The following DENND1A variants were observed in gnomAD, a reference collection of about 807,000 sequenced individuals.
DENND1A encodes DENN domain-containing protein 1A.
Under a neutral mutation model 113.7 loss-of-function variants are expected in DENND1A, and 51 were observed. That is an observed-to-expected ratio of 0.45 (90% CI 0.36 to 0.57). The LOEUF (loss-of-function observed/expected upper bound fraction) is 0.57, where lower values mean the gene tolerates loss of function less well. Ranked by LOEUF, DENND1A falls within the 20% of genes least tolerant of loss-of-function variation. DENND1A has a pLI of 0.00. For missense variants in DENND1A, 1,258 were observed against 1,395.9 expected, an observed-to-expected ratio of 0.90 and a Z score of 1.57; for synonymous variants, 565 against 570.8, an observed-to-expected ratio of 0.99 and a Z score of 0.14.
chr9:123,710,797 C>G (rs754418050), intron 5 of DENND1A, among the ~76,000 whole-genome samples: 7 of 151,900 alleles, frequency 4.6e-5, no homozygotes, highest in Non-Finnish European at 1.0e-4. Context: ...CTCAGCCTCC[C>G]AAGTAGCTGG....
At chr9:123,691,800 T>C (rs2065208058) in intron 5 of DENND1A, among the ~76,000 whole-genome samples, 1 of 152,168 alleles carries the variant, frequency 6.6e-6, no homozygotes, top group Non-Finnish European at 1.5e-5. Context: ...CCAATGTGGC[T>C]GGTGAAAGTC....
intron 11 of DENND1A, among the ~76,000 whole-genome samples, chr9:123,585,770 C>G (rs1648490940): frequency 6.6e-6 from 1 of 152,094 alleles, no homozygotes; most frequent in Non-Finnish European, 1.5e-5. Context: ...AACTGAGGCT[C>G]CAAGAAGTAG....
intron 1 of DENND1A, among the ~76,000 whole-genome samples, chr9:123,895,066 T>A (rs1228310352): frequency 6.6e-6 from 1 of 152,050 alleles, no homozygotes; most frequent in Non-Finnish European, 1.5e-5. Context: ...TTCCTTTTTT[T>A]TTTTTTTAAG....
In DENND1A at chr9:123,771,994, T is replaced by C. The variant is rs576706186; in HGVS notation, c.133-2431A>G. On this transcript the variant is annotated intron_variant, in intron 3 of 23. Transcript: ENST00000394215. The stretch of plus-strand genomic sequence containing the variant: ...CAATTTAAGTCAAACAAGATGGTGG[T>C]GTGCTGTCAGAAGAAAAAACAAAAA... Among the ~76,000 whole-genome samples the C allele has an allele frequency of 2.4e-4, 36 of 152,262 alleles. No individual in the cohort carries two copies. In the South Asian group the frequency reaches 6.8e-3, roughly 29 times the overall value.
chr9:123,501,330 TC>T (rs1421785266), intron 13 of DENND1A, among the ~76,000 whole-genome samples: 1 of 152,234 alleles, frequency 6.6e-6, no homozygotes, highest in Non-Finnish European at 1.5e-5. Context: ...CATTTTGTTA[TC>T]CACTCATCTG....
intron 13 of DENND1A, among the ~76,000 whole-genome samples, chr9:123,529,857 G>A (rs1223217756): frequency 3.3e-5 from 5 of 152,204 alleles, no homozygotes; most frequent in Non-Finnish European, 7.3e-5. Flanking sequence ...ACAGAATACA[G>A]GTCAGGTGTT....
intron 11 of DENND1A, among the ~76,000 whole-genome samples, chr9:123,607,912 T>C (rs1464679345): frequency 2.0e-5 from 3 of 152,218 alleles, no homozygotes; most frequent in African/African-American, 4.8e-5. Flanking sequence ...TGGACTCCGA[T>C]AGACCAAATA....
At chr9:123,711,505 G>GTATA (rs1168546766) in intron 5 of DENND1A, among the ~76,000 whole-genome samples, 122 of 62,496 alleles carry the variant, frequency 2.0e-3, no homozygotes, top group South Asian at 4.8e-3. Flanking sequence ...ATATATATAT[G>GTATA]TATATATGTA....
At chr9:123,492,061 G>C (rs1233621847) in intron 13 of DENND1A, 2 of 152,392 alleles carry the variant, frequency 1.3e-5, no homozygotes, top group East Asian at 3.8e-4. Flanking sequence ...GCCTGAGAAG[G>C]CCTCTCAGAG....
intron 9 of DENND1A, among the ~76,000 whole-genome samples, chr9:123,648,354 G>C (rs2139300703): frequency 6.6e-6 from 1 of 152,300 alleles, no homozygotes; most frequent in Admixed American, 6.5e-5. Context: ...TGGGATTATA[G>C]GTGTAAGTCA....
At chr9:123,581,606 C>T (rs1448321632) in intron 12 of DENND1A, among the ~76,000 whole-genome samples, 1 of 151,480 alleles carries the variant, frequency 6.6e-6, no homozygotes, top group East Asian at 1.9e-4. Flanking sequence ...GCCTGGGTGA[C>T]AGAGCCAGAC....
intron 2 of DENND1A, among the ~76,000 whole-genome samples, chr9:123,869,773 G>A (rs982900296): frequency 6.6e-6 from 1 of 152,118 alleles, no homozygotes; most frequent in Non-Finnish European, 1.5e-5. Context: ...GGCTGAGGTG[G>A]GAGGATCTCT....
chr9:123,600,907 C>G (rs1042304652), intron 11 of DENND1A, among the ~76,000 whole-genome samples: 1 of 152,082 alleles, frequency 6.6e-6, no homozygotes, highest in Non-Finnish European at 1.5e-5. Context: ...CATATGACTC[C>G]AGTGCCCACG....
intron 11 of DENND1A, 103 bp from the exon 12 acceptor site, chr9:123,583,373 T>A (rs1276319198): frequency 3.7e-6 from 3 of 804,120 alleles, no homozygotes; most frequent in Non-Finnish European, 4.1e-6. Context: ...GAAAGTGACA[T>A]TTGACAAAGT....
chr9:123,786,303 C>G (rs1172789758), intron 3 of DENND1A, among the ~76,000 whole-genome samples: 1 of 152,116 alleles, frequency 6.6e-6, no homozygotes. Context: ...ACTTGCTTCT[C>G]TATACCACTT....
At chr9:123,913,830 G>A (rs779701676) in intron 1 of DENND1A, among the ~76,000 whole-genome samples, 2 of 151,272 alleles carry the variant, frequency 1.3e-5, no homozygotes, top group Non-Finnish European at 1.5e-5. Context: ...GCTTGAACTC[G>A]GGAGGCGGAG....
chr9:123,566,411 T>C (rs2058054740), intron 12 of DENND1A, among the ~76,000 whole-genome samples: 1 of 152,180 alleles, frequency 6.6e-6, no homozygotes, highest in Non-Finnish European at 1.5e-5. Flanking sequence ...GAGCTGGCTA[T>C]GACCCTACGA....
chr9:123,800,725 T>A (rs1477310488), intron 2 of DENND1A, among the ~76,000 whole-genome samples: 1 of 152,186 alleles, frequency 6.6e-6, no homozygotes, highest in African/African-American at 2.4e-5. Flanking sequence ...AGGATATAAA[T>A]AAAATGACTC....
intron 1 of DENND1A, among the ~76,000 whole-genome samples, chr9:123,884,644 AAC>A: frequency 6.6e-6 from 1 of 152,206 alleles, no homozygotes; most frequent in South Asian, 2.1e-4. Flanking sequence ...CCATACAGCT[AAC>A]ACCACTTACT....
Sources: gnomAD v4.1 joint callset for allele counts (sites outside exome capture counted in the v4.1 genomes callset) on GRCh38, gnomAD v4.1.1 for gene constraint, MANE v1.5 for transcripts, NCBI Gene and HGNC (gene_info 2026-07-23, HGNC 2026-07-21) for gene names.